The following MLLT10 variants were observed in gnomAD, a reference collection of about 807,000 sequenced individuals.
The protein encoded by MLLT10 is MLLT10 histone lysine methyltransferase DOT1L cofactor.
A neutral mutation model predicts 129.1 loss-of-function variants in MLLT10; 30 were observed. That is an observed-to-expected ratio of 0.23 (90% CI 0.17 to 0.32). The LOEUF (loss-of-function observed/expected upper bound fraction) is 0.32, where lower values mean the gene tolerates loss of function less well. Among genes scored for constraint, MLLT10 ranks in the 10% least tolerant of loss-of-function variants. The pLI is 1.00. For synonymous variants in MLLT10, 490 were observed against 446.4 expected (o/e 1.10, Z -1.23); for missense variants, 1,119 against 1,268.3 (o/e 0.88, Z 1.79).
At chr10:21,741,304 T>G (rs537237192) in intron 22 of MLLT10, among the ~76,000 whole-genome samples, 11 of 152,316 alleles carry the variant, frequency 7.2e-5, no homozygotes, top group Middle Eastern at 3.4e-3. Context: ...AGTGTTTTTC[T>G]TGTGTTAAGA....
At chr10:21,556,173 G>A (rs1427900924) in intron 3 of MLLT10, among the ~76,000 whole-genome samples, 1 of 151,032 alleles carries the variant, frequency 6.6e-6, no homozygotes, top group Non-Finnish European at 1.5e-5. Flanking sequence ...ACGGGGTTTC[G>A]CCATGTTGGC....
At chr10:21,588,224 G>A (rs1305949405) in intron 4 of MLLT10, among the ~76,000 whole-genome samples, 1 of 151,892 alleles carries the variant, frequency 6.6e-6, no homozygotes, top group Non-Finnish European at 1.5e-5. Context: ...GTGCCACCAC[G>A]CCCGGCTAAT....
chr10:21,693,903 A>G (rs919021592), intron 13 of MLLT10, among the ~76,000 whole-genome samples: 4 of 152,140 alleles, frequency 2.6e-5, no homozygotes, highest in Non-Finnish European at 4.4e-5. Context: ...TTATTAGACT[A>G]TTGAGTGAAG....
intron 8 of MLLT10, chr10:21,624,929 AG>A (rs753625156): frequency 8.5e-4 from 1,110 of 1,312,992 alleles, no homozygotes; most frequent in Non-Finnish European, 1.1e-3. Flanking sequence ...TACCTCTTGG[AG>A]GTGGTGCTCC....
chr10:21,687,622 A>G (rs2053433647), intron 13 of MLLT10, among the ~76,000 whole-genome samples: 1 of 152,254 alleles, frequency 6.6e-6, no homozygotes, highest in African/African-American at 2.4e-5. Flanking sequence ...GTTTGTTTCA[A>G]TGCACACAAA....
At chr10:21,702,014 C>T (rs1170039558) in intron 13 of MLLT10, among the ~76,000 whole-genome samples, 3 of 152,076 alleles carry the variant, frequency 2.0e-5, no homozygotes, top group African/African-American at 7.2e-5. Flanking sequence ...GCAACCTCCA[C>T]TTCCCAGGTT....
In MLLT10 at chr10:21,595,733, T is replaced by C. The variant is rs371282011; in HGVS notation, c.405+293T>C. ...TGCTTTATGAATTACTGACCTCTTT[T>C]GCGCTTTCAAGTATCAAGAGCCTGT... On this transcript the variant is annotated intron_variant, in intron 5 of 22. Transcript: ENST00000307729. Among the ~76,000 whole-genome samples the C allele has an allele frequency of 3.7e-4, 57 of 152,302 alleles. 1 individual carries two copies. In the South Asian group the frequency reaches 0.012, roughly 32 times the overall value.
At chr10:21,682,007 T>C (rs781761709) in intron 12 of MLLT10, among the ~76,000 whole-genome samples, 8 of 152,190 alleles carry the variant, frequency 5.3e-5, no homozygotes, top group Admixed American at 1.3e-4. Context: ...CCTTAACATA[T>C]CTCAATTTAG....
chr10:21,695,587 T>A (rs1240331951), intron 13 of MLLT10, among the ~76,000 whole-genome samples: 1 of 152,218 alleles, frequency 6.6e-6, no homozygotes, highest in Non-Finnish European at 1.5e-5. Flanking sequence ...TCTTATAATA[T>A]TTATTTGCCA....
intron 8 of MLLT10, among the ~76,000 whole-genome samples, chr10:21,624,330 C>G (rs527875894): frequency 7.9e-5 from 12 of 152,152 alleles, no homozygotes; most frequent in African/African-American, 2.9e-4. Flanking sequence ...TGTTTTGAAG[C>G]TAAAATGAAG....
At chr10:21,684,823 G>A (rs2053125334) in intron 13 of MLLT10, among the ~76,000 whole-genome samples, 1 of 152,000 alleles carries the variant, frequency 6.6e-6, no homozygotes, top group Admixed American at 6.6e-5. Context: ...TCTTCTCCCC[G>A]ACTTTACGTT....
At chr10:21,687,893 C>A (rs371972223) in intron 13 of MLLT10, among the ~76,000 whole-genome samples, 2 of 152,094 alleles carry the variant, frequency 1.3e-5, no homozygotes, top group African/African-American at 4.8e-5. Context: ...TGTGATTATG[C>A]CTGTGTAGGA....
intron 22 of MLLT10, 96 bp downstream of exon 22, chr10:21,740,332 TTTC>T (rs2058723885): frequency 2.9e-6 from 4 of 1,377,294 alleles, no homozygotes; most frequent in African/African-American, 2.9e-5. Flanking sequence ...CCCCTGATCA[TTTC>T]TTCTTAAAAC....
intron 3 of MLLT10, among the ~76,000 whole-genome samples, chr10:21,575,117 T>A (rs2131049023): frequency 6.6e-6 from 1 of 152,298 alleles, no homozygotes; most frequent in Admixed American, 6.5e-5. Flanking sequence ...CTATTTCTTT[T>A]TTCTACTTAC....
intron 6 of MLLT10, among the ~76,000 whole-genome samples, chr10:21,613,318 C>A (rs938928608): frequency 6.6e-6 from 1 of 151,338 alleles, no homozygotes; most frequent in Non-Finnish European, 1.5e-5. Flanking sequence ...TGGGAATAAT[C>A]TGTGCACTAA....
Position 21,534,241 on chromosome 10 carries a change from A to C in MLLT10, c.-280A>C. The stretch of plus-strand genomic sequence containing the variant: ...CGGCCGCAGGACGGGCGCGCACGCC[A>C]AGTGACGCTCCGAGGAGGAAGCGCA... On this transcript the variant is annotated 5_prime_UTR_variant, in exon 1 of 23. Transcript: ENST00000307729. 1 of 394,766 alleles carries C rather than the reference A, an allele frequency of 2.5e-6. No individual in the cohort carries two copies. The highest frequency in any genetic ancestry group is 4.5e-6 in the Non-Finnish European group (1 of 224,332). The allele number at this position is 394,766 out of a possible 1,614,324, so 24.5% of individuals were successfully genotyped here. A position where few individuals can be genotyped will look rare whatever the true frequency, so the allele number is the denominator to read the frequency against.
intron 8 of MLLT10, chr10:21,624,793 C>A: frequency 9.3e-7 from 1 of 1,071,432 alleles, no homozygotes; most frequent in African/African-American, 1.6e-5. Flanking sequence ...TACATTGTCC[C>A]CTGATTGCCC....
chr10:21,684,073 C>T (rs1366932658), intron 13 of MLLT10, among the ~76,000 whole-genome samples: 1 of 151,698 alleles, frequency 6.6e-6, no homozygotes, highest in Non-Finnish European at 1.5e-5. Context: ...GTGGCATGAT[C>T]GATCATAGGT....
At chr10:21,640,299 A>AAT (rs1444804147) in intron 8 of MLLT10, among the ~76,000 whole-genome samples, 1 of 144,570 alleles carries the variant, frequency 6.9e-6, no homozygotes, top group Non-Finnish European at 1.5e-5. Context: ...TATATTATAT[A>AAT]ATATATATGT....
Sources: gnomAD v4.1 joint callset for allele counts (sites outside exome capture counted in the v4.1 genomes callset) on GRCh38, gnomAD v4.1.1 for gene constraint, MANE v1.5 for transcripts, NCBI Gene and HGNC (gene_info 2026-07-23, HGNC 2026-07-21) for gene names.